Variants in PCDH11X observed in about 807,000 individuals in gnomAD.
The protein encoded by PCDH11X is protocadherin-11 X-linked.
Under a neutral mutation model 53.3 loss-of-function variants are expected in PCDH11X, and 18 were observed. The observed-to-expected ratio is 0.34, with a 90% CI of 0.23 to 0.50. PCDH11X has a LOEUF of 0.50. PCDH11X is among the 20% of genes least tolerant of loss of function. The pLI is 0.98. For missense variants in PCDH11X, 570 were observed against 1,032.4 expected, an observed-to-expected ratio of 0.55 and a Z score of 6.14; for synonymous variants, 279 against 393.3, an observed-to-expected ratio of 0.71 and a Z score of 3.44.
chrX:92,296,536 A>G (rs781736993), intron 8 of PCDH11X, among the ~76,000 whole-genome samples: 1 of 111,290 alleles, frequency 9.0e-6, no homozygotes, highest in South Asian at 3.8e-4. Context: ...GCTTAGGACA[A>G]TGGCGTCCAG....
intron 8 of PCDH11X, among the ~76,000 whole-genome samples, chrX:92,334,878 T>TGA (rs1488533634): frequency 0.017 from 1,824 of 109,963 alleles, 39 homozygotes; most frequent in African/African-American, 0.056. Context: ...ACAAAATGAT[T>TGA]TAATCGACTG....
intron 6 of PCDH11X, among the ~76,000 whole-genome samples, chrX:92,093,902 A>G (rs1330401321): frequency 9.0e-6 from 1 of 111,273 alleles, no homozygotes; most frequent in Non-Finnish European, 1.9e-5. Context: ...TTAAAGTGCC[A>G]TTTGGGTATT....
rs1239755410 is a variant in PCDH11X at position 92,331,032 on chromosome X, CAT to C, written c.3145-56700_3145-56699del. ...TCATGAGTGTATACATACTTCAAAA[CAT>C]ATGTTGTGCATTTTAAATATGTGCA... is the stretch of plus-strand genomic sequence containing the variant. On this transcript the variant is annotated intron_variant, in intron 8 of 10. Coordinates refer to ENST00000682573, the MANE Select transcript of PCDH11X (RefSeq NM_032968.5). Among the ~76,000 whole-genome samples, 21 of 100,093 alleles carry C rather than the reference CAT, an allele frequency of 2.1e-4. No homozygotes were observed. In the Admixed American group the frequency reaches 2.3e-3, roughly 11 times the overall value. The allele number at this position is 100,093 out of a possible 115,157, so 86.9% of individuals were successfully genotyped here.
At chrX:92,412,083 GA>G (rs1382591168) in intron 9 of PCDH11X, among the ~76,000 whole-genome samples, 1 of 58,553 alleles carries the variant, frequency 1.7e-5, no homozygotes. Context: ...GGAGGAGGAG[GA>G]AGAAGAAGAA....
At chrX:92,518,748 A>ATT (rs762759156) in intron 10 of PCDH11X, among the ~76,000 whole-genome samples, 47 of 59,437 alleles carry the variant, frequency 7.9e-4, no homozygotes, top group Non-Finnish European at 1.0e-3. Flanking sequence ...TACCAATAAA[A>ATT]TTTTTTTTTT....
At chrX:92,609,685 G>A (rs1927165452) in intron 10 of PCDH11X, among the ~76,000 whole-genome samples, 1 of 110,180 alleles carries the variant, frequency 9.1e-6, no homozygotes, top group African/African-American at 3.3e-5. Context: ...TGGGTATATT[G>A]GGTGACGCTG....
intron 6 of PCDH11X, among the ~76,000 whole-genome samples, chrX:91,907,877 T>C (rs1293813873): frequency 8.9e-6 from 1 of 111,793 alleles, no homozygotes; most frequent in East Asian, 2.8e-4. Context: ...AGTGAGAACA[T>C]GCAGTGTATG....
intron 7 of PCDH11X, among the ~76,000 whole-genome samples, chrX:92,215,116 G>A (rs772003821): frequency 5.4e-5 from 6 of 111,313 alleles, no homozygotes; most frequent in Non-Finnish European, 7.5e-5. Flanking sequence ...AGCTCCCAGC[G>A]TGAGCGACGC....
intron 7 of PCDH11X, among the ~76,000 whole-genome samples, chrX:92,229,041 C>A (rs931788078): frequency 8.9e-6 from 1 of 111,745 alleles, no homozygotes; most frequent in African/African-American, 3.2e-5. Flanking sequence ...CGCAAATCTC[C>A]TTTCAATTAA....
At chrX:92,399,192 C>CAAAAAAAAAAAAAAAAAAAAA (rs376361040) in intron 9 of PCDH11X, among the ~76,000 whole-genome samples, 4 of 91,570 alleles carry the variant, frequency 4.4e-5, no homozygotes, top group African/African-American at 1.7e-4. Context: ...GACTCCGTGT[C>CAAAAAAAAAAAAAAAAAAAAA]AAAAAAAAAA....
chrX:92,374,928 A>T (rs2070704700), intron 8 of PCDH11X, among the ~76,000 whole-genome samples: 1 of 108,288 alleles, frequency 9.2e-6, no homozygotes, highest in African/African-American at 3.4e-5. Flanking sequence ...TCTTGAAATT[A>T]TTGCTGTCAA....
chrX:92,316,599 G>A (rs2148487834), intron 8 of PCDH11X, among the ~76,000 whole-genome samples: 1 of 110,883 alleles, frequency 9.0e-6, no homozygotes, highest in South Asian at 3.8e-4. Context: ...CATTTTGAAA[G>A]ACCCTATTAT....
chrX:91,808,271 C>T (rs1301041713), intron 1 of PCDH11X, among the ~76,000 whole-genome samples: 65 of 106,401 alleles, frequency 6.1e-4, no homozygotes, highest in African/African-American at 2.1e-3. Context: ...CCAAGGCGGG[C>T]AAATCATGAG....
intron 6 of PCDH11X, among the ~76,000 whole-genome samples, chrX:92,101,288 T>C (rs1299580664): frequency 9.0e-6 from 1 of 111,350 alleles, no homozygotes; most frequent in African/African-American, 3.3e-5. Flanking sequence ...GTTGGTCTGA[T>C]GTCTGGAATG....
intron 10 of PCDH11X, among the ~76,000 whole-genome samples, chrX:92,490,128 G>A (rs932476824): frequency 9.4e-6 from 1 of 106,882 alleles, no homozygotes; most frequent in African/African-American, 3.4e-5. Context: ...GCTAGTAGAT[G>A]AAAGAATAGT....
intron 8 of PCDH11X, among the ~76,000 whole-genome samples, chrX:92,332,035 A>G (rs1320193955): frequency 1.8e-5 from 2 of 111,725 alleles, no homozygotes; most frequent in African/African-American, 6.5e-5. Context: ...ATTATAATAC[A>G]TGCCATAACG....
intron 6 of PCDH11X, among the ~76,000 whole-genome samples, chrX:92,077,565 A>ATTTATAAT (rs2063791872): frequency 1.8e-5 from 2 of 109,880 alleles, no homozygotes; most frequent in Non-Finnish European, 3.8e-5. Flanking sequence ...CTTCTACAGC[A>ATTTATAAT]GGCCTCATTC....
rs573102295 is a variant in PCDH11X, at chrX:92,450,060, A to C, written c.3344-18239A>C. On this transcript the variant is annotated intron_variant, in intron 9 of 10. Coordinates refer to ENST00000682573, the MANE Select transcript of PCDH11X (RefSeq NM_032968.5). ...AAATGGTAAAGATAAAGTCAATTAC[A>C]TTGTATCCATCTCAGATCATTGGGA... Among the ~76,000 whole-genome samples, 65 of 111,477 alleles carry C rather than the reference A, an allele frequency of 5.8e-4. 2 individuals are homozygous for C. The South Asian group carries it at 0.024, about 41-fold the overall frequency.
chrX:92,585,013 G>A (rs1924211755), intron 10 of PCDH11X, among the ~76,000 whole-genome samples: 1 of 109,967 alleles, frequency 9.1e-6, no homozygotes, highest in East Asian at 2.9e-4. Context: ...ACAGTCCCAC[G>A]GGCTGTACAG....
Sources: allele counts gnomAD v4.1 joint callset (sites outside exome capture counted in the v4.1 genomes callset), GRCh38; gene constraint gnomAD v4.1.1; transcripts MANE v1.5; gene names NCBI Gene and HGNC (gene_info 2026-07-23, HGNC 2026-07-21).